The following HDHD5 variants were observed in gnomAD, a reference collection of about 807,000 sequenced individuals.
The protein encoded by HDHD5 is haloacid dehalogenase-like hydrolase domain-containing 5.
Under a neutral mutation model 35.5 loss-of-function variants are expected in HDHD5, and 34 were observed. The observed-to-expected ratio is 0.96, with a 90% CI of 0.73 to 1.28. The LOEUF is 1.28. Among genes scored for constraint, HDHD5 ranks in the 50% most tolerant of loss-of-function variants. The pLI is 0.00. For synonymous variants in HDHD5, 248 were observed against 240.6 expected, an observed-to-expected ratio of 1.03 and a Z score of -0.29; for missense variants, 589 against 560.2, an observed-to-expected ratio of 1.05 and a Z score of -0.52.
chr22:17,142,174 G>C (rs1484278148), intron 5 of HDHD5: 1 of 152,228 alleles, frequency 6.6e-6, no homozygotes, highest in East Asian at 1.9e-4. Context: ...TCAGGAGTTT[G>C]AGACCAGCCT....
At chr22:17,157,457 TA>T (rs2061811644) in intron 1 of HDHD5, among the ~76,000 whole-genome samples, 1 of 152,088 alleles carries the variant, frequency 6.6e-6, no homozygotes, top group Non-Finnish European at 1.5e-5. Context: ...GAAAGCTATG[TA>T]AATTGCCTTA....
intron 6 of HDHD5, among the ~76,000 whole-genome samples, chr22:17,139,236 G>C (rs892048942): frequency 1.3e-5 from 2 of 152,196 alleles, no homozygotes; most frequent in African/African-American, 4.8e-5. Flanking sequence ...CCTTAAAATT[G>C]GGGACAGGCG....
chr22:17,154,683 T>C (rs534767566), intron 1 of HDHD5, among the ~76,000 whole-genome samples: 1 of 150,832 alleles, frequency 6.6e-6, no homozygotes, highest in Non-Finnish European at 1.5e-5. Flanking sequence ...GGTGCACTAG[T>C]GTCATCTCAG....
chr22:17,149,166 A>G (rs1415898157), intron 2 of HDHD5, among the ~76,000 whole-genome samples: 1 of 152,210 alleles, frequency 6.6e-6, no homozygotes, highest in Non-Finnish European at 1.5e-5. Flanking sequence ...AGAATGCATC[A>G]AAGTTGGGAT....
intron 1 of HDHD5, chr22:17,165,129 T>C (rs1278462091): frequency 1.4e-6 from 1 of 727,170 alleles, no homozygotes; most frequent in Non-Finnish European, 2.6e-6. Flanking sequence ...TTCCTACTAG[T>C]CATGTTTCCC....
At chr22:17,153,441 G>C (rs764367715) in intron 1 of HDHD5, among the ~76,000 whole-genome samples, 1 of 152,128 alleles carries the variant, frequency 6.6e-6, no homozygotes, top group African/African-American at 2.4e-5. Context: ...CCTCCTGCCA[G>C]CTCCCAGCTG....
In HDHD5 at chr22:17,137,919, G is replaced by T; in HGVS notation, c.*102C>A. 1 of 963,232 alleles carries T rather than the reference G, an allele frequency of 1.0e-6. No homozygotes were observed. 59.7% of individuals were successfully genotyped at this position (963,232 alleles called of 1,614,324 possible). A position where few individuals can be genotyped will look rare whatever the true frequency, so the allele number is the denominator to read the frequency against. The stretch of plus-strand genomic sequence containing the variant: ...CATGGGGCAGCAAGAAGGGTGGCAA[G>T]GGAACCAAGCCCTGACCTGAGCCCA... On this transcript the variant is annotated 3_prime_UTR_variant, in exon 8 of 8. Transcript: ENST00000336737.
In HDHD5 at chr22:17,138,074, C is replaced by T. The variant is rs199543754; in HGVS notation, c.1219G>A (p.Val407Met). Residue 407 changes from valine to methionine, a missense_variant, in exon 8 of 8, where the codon GTG (valine) becomes ATG (methionine). By Grantham distance (21) the Val-to-Met change is conservative. Transcript: ENST00000336737. ...AAGACCAGCTGCACAGCCTCATTCA[C>T]GTCATTCACCACGTGGGAGGCCTCC... ...LMEASHVVNDVNEAVQLVFRK... is the reference protein window; with the variant it reads ...LMEASHVVNDMNEAVQLVFRK... 2.8e-5 allele frequency: 45 copies of T among 1,613,998 alleles called. No individual in the cohort carries two copies. Among genetic ancestry groups the T allele is most frequent in the Non-Finnish European group, 3.4e-5 (40 of 1,180,022 alleles).
intron 4 of HDHD5, among the ~76,000 whole-genome samples, chr22:17,144,339 G>A (rs367819155): frequency 1.5e-4 from 23 of 150,820 alleles, no homozygotes; most frequent in East Asian, 7.8e-4. Flanking sequence ...AGCCTCCAAC[G>A]CCTGGGCTCA....
At chr22:17,145,737 A>C (rs2061655286) in intron 3 of HDHD5, among the ~76,000 whole-genome samples, 1 of 152,116 alleles carries the variant, frequency 6.6e-6, no homozygotes, top group Admixed American at 6.5e-5. Flanking sequence ...GCACATTCAG[A>C]GCCCATCAAA....
chr22:17,154,822 G>T (rs2061768202), intron 1 of HDHD5, among the ~76,000 whole-genome samples: 2 of 151,282 alleles, frequency 1.3e-5, no homozygotes, highest in African/African-American at 4.9e-5. Context: ...GTAGAGACAG[G>T]GTCTCCCTAT....
Position 17,137,915 on chromosome 22 carries a change from G to C in HDHD5, c.*106C>G, listed in dbSNP as rs1176580878. 1 of 878,072 alleles carries C rather than the reference G, an allele frequency of 1.1e-6. No homozygotes were observed. The highest frequency in any genetic ancestry group is 1.7e-6 in the Non-Finnish European group (1 of 576,818). The allele number at this position is 878,072 out of a possible 1,614,324, so 54.4% of individuals were successfully genotyped here. A position where few individuals can be genotyped will look rare whatever the true frequency, so the allele number is the denominator to read the frequency against. ...CACTCATGGGGCAGCAAGAAGGGTG[G>C]CAAGGGAACCAAGCCCTGACCTGAG... On this transcript the variant is annotated 3_prime_UTR_variant, in exon 8 of 8. Transcript: ENST00000336737.
intron 5 of HDHD5, 40 bp from the exon 6 acceptor site, chr22:17,141,273 A>G (rs753625748): frequency 6.4e-7 from 1 of 1,554,030 alleles, no homozygotes; most frequent in African/African-American, 1.4e-5. Context: ...TGCAGGGCAG[A>G]TGGCAGGCGG....
intron 6 of HDHD5, 93 bp downstream of exon 6, chr22:17,140,966 G>A (rs1015819351): frequency 1.7e-6 from 2 of 1,210,114 alleles, no homozygotes; most frequent in Non-Finnish European, 2.2e-6. Flanking sequence ...CGGCACCTGG[G>A]GTGTCAGGAC....
chr22:17,153,111 T>C (rs1227038703), intron 1 of HDHD5, among the ~76,000 whole-genome samples: 1 of 152,182 alleles, frequency 6.6e-6, no homozygotes, highest in East Asian at 1.9e-4. Context: ...GCTTATGCTG[T>C]TGCACCCAGA....
At chr22:17,160,372 C>T (rs192829675), upstream of HDHD5, among the ~76,000 whole-genome samples, 26 of 150,772 alleles carry the variant, frequency 1.7e-4, no homozygotes, top group East Asian at 3.9e-3. Context: ...AAAATAGGGC[C>T]GGGTGCGGTG....
chr22:17,137,821 G>A lies in HDHD5; in HGVS notation c.*200C>T, dbSNP rs111291515. The A allele has an allele frequency of 4.1e-3, 2,331 of 570,464 alleles. 6 individuals carry two copies. Among genetic ancestry groups the A allele is most frequent in the Middle Eastern group, 0.011 (23 of 2,160 alleles). The allele number at this position is 570,464 out of a possible 1,614,324, so 35.3% of individuals were successfully genotyped here. Reference sequence around the variant, plus strand: ...GAACTGGGCCCAGAAAATTCCAACCGTTCCATACAAAATGCTACCCAGCAG... The same window carrying A: ...GAACTGGGCCCAGAAAATTCCAACCATTCCATACAAAATGCTACCCAGCAG... On this transcript the variant is annotated 3_prime_UTR_variant, in exon 8 of 8. Transcript: ENST00000336737.
chr22:17,139,471 C>A (rs765208569), intron 6 of HDHD5, among the ~76,000 whole-genome samples: 2 of 151,026 alleles, frequency 1.3e-5, no homozygotes. Context: ...GAGGTTGCAG[C>A]GGGCCAAGAT....
intron 3 of HDHD5, among the ~76,000 whole-genome samples, chr22:17,147,845 C>T (rs2061682998): frequency 6.6e-6 from 1 of 152,236 alleles, no homozygotes; most frequent in Non-Finnish European, 1.5e-5. Context: ...TCCTTTACTG[C>T]TCATGGTGTT....
Sources: allele counts gnomAD v4.1 joint callset (sites outside exome capture counted in the v4.1 genomes callset), GRCh38; gene constraint gnomAD v4.1.1; transcripts MANE v1.5; gene names NCBI Gene and HGNC (gene_info 2026-07-23, HGNC 2026-07-21).